Variants in ZNF827 observed in about 807,000 individuals in gnomAD.
The protein encoded by ZNF827 is zinc finger protein 827.
Under a neutral mutation model 102.4 loss-of-function variants are expected in ZNF827, and 13 were observed. The observed-to-expected ratio is 0.13, with a 90% CI of 0.08 to 0.20. The LOEUF (loss-of-function observed/expected upper bound fraction) is 0.20. Among genes scored for constraint, ZNF827 ranks in the 10% least tolerant of loss-of-function variants. ZNF827 has a pLI of 1.00. For missense variants in ZNF827, 1,103 were observed against 1,344.4 expected, an observed-to-expected ratio of 0.82 and a Z score of 2.81; for synonymous variants, 523 against 536.2, an observed-to-expected ratio of 0.98 and a Z score of 0.34.
At chr4:145,920,733 T>C (rs1753006508) in intron 1 of ZNF827, among the ~76,000 whole-genome samples, 1 of 152,258 alleles carries the variant, frequency 6.6e-6, no homozygotes, top group African/African-American at 2.4e-5. Flanking sequence ...GCAGTGTTTA[T>C]GAAACACCTA....
chr4:145,763,056 GCA>G lies in ZNF827; in HGVS notation c.*17+32_*17+33del. The stretch of plus-strand genomic sequence containing the variant: ...TATAAAGCCCATTCCCAGGTCAGGT[GCA>G]CACACAACCCCTACGCCAAGCTGGG... On this transcript the variant is annotated intron_variant, in intron 14 of 14. Transcript: ENST00000508784. This position sits in a 1 kb window ranked among gnomAD's most constrained non-coding sequence, Gnocchi z 4.6. 6.5e-7 allele frequency: 1 copy of G among 1,529,804 alleles called. No homozygotes were observed. The highest frequency in any genetic ancestry group is 8.8e-7 in the Non-Finnish European group (1 of 1,141,922). 94.8% of individuals were successfully genotyped at this position (1,529,804 alleles called of 1,614,324 possible). A position where few individuals can be genotyped will look rare whatever the true frequency, so the allele number is the denominator to read the frequency against.
chr4:145,851,762 C>T (rs1462074576), intron 5 of ZNF827, among the ~76,000 whole-genome samples: 3 of 152,046 alleles, frequency 2.0e-5, no homozygotes, highest in Non-Finnish European at 2.9e-5. Flanking sequence ...TCATAAAAAT[C>T]AAGTTCACTG....
chr4:145,884,148 T>C (rs144520654), intron 4 of ZNF827, among the ~76,000 whole-genome samples: 1 of 152,290 alleles, frequency 6.6e-6, no homozygotes, highest in East Asian at 1.9e-4. Context: ...CTCACTCTCA[T>C]TGCCAGTTGG....
At position 145,846,027 on chromosome 4, in the gene ZNF827, G is replaced by A; in HGVS notation, c.2222-14C>T. 1 of 1,614,052 alleles carries A rather than the reference G, an allele frequency of 6.2e-7. No homozygotes were observed. The highest frequency in any genetic ancestry group is 8.5e-7 in the Non-Finnish European group (1 of 1,179,898). ...TGCTCACTTTTTCTGTAAGGAGAAA[G>A]AATGAAACATACACCTCTTAGGTTG... is the stretch of plus-strand genomic sequence containing the variant. On this transcript the variant is annotated splice_polypyrimidine_tract_variant and intron_variant, in intron 6 of 14. Transcript: ENST00000508784.
At chr4:145,839,047 A>G (rs1475617719) in intron 7 of ZNF827, 2 of 152,222 alleles carry the variant, frequency 1.3e-5, no homozygotes, top group African/African-American at 4.8e-5. Flanking sequence ...AAGAGGTTGT[A>G]TGCAATATTG....
chr4:145,838,331 A>C (rs13109172), intron 7 of ZNF827, among the ~76,000 whole-genome samples: 44,121 of 151,184 alleles, frequency 0.29, 6,857 homozygotes, highest in Non-Finnish European at 0.34. Flanking sequence ...AGAGAACAAA[A>C]CCCCTTTGAC....
At chr4:145,797,798 T>G (rs142980625) in intron 8 of ZNF827, among the ~76,000 whole-genome samples, 76 of 152,372 alleles carry the variant, frequency 5.0e-4, no homozygotes, top group African/African-American at 1.6e-3. Context: ...AAATGATTTA[T>G]TCTGGAAATT....
intron 8 of ZNF827, among the ~76,000 whole-genome samples, chr4:145,798,059 G>A (rs2127091591): frequency 6.6e-6 from 1 of 152,252 alleles, no homozygotes; most frequent in Non-Finnish European, 1.5e-5. Context: ...AGGACCAAAG[G>A]GACTTTGAGA....
Position 145,766,432 on chromosome 4 carries a change from C to A in ZNF827, c.2861-694G>T, listed in dbSNP as rs987285197. Among the ~76,000 whole-genome samples the A allele has an allele frequency of 3.3e-5, 5 of 152,198 alleles. No homozygotes were observed. In the Middle Eastern group the frequency reaches 0.01, roughly 311 times the overall value. The stretch of plus-strand genomic sequence containing the variant: ...ATGTTAGGCAATGAAGAAAAGTGGC[C>A]CCTGAGAGACAGGAAACAAAAGAGG... On this transcript the variant is annotated intron_variant, in intron 11 of 14. Coordinates refer to ENST00000508784, the MANE Select transcript of ZNF827 (RefSeq NM_001306215.2).
Position 145,902,822 on chromosome 4 carries a change from G to C in ZNF827, c.437C>G (p.Ser146Cys), listed in dbSNP as rs749786443. The C allele has an allele frequency of 1.2e-6, 2 of 1,614,138 alleles. No individual in the cohort carries two copies. Among genetic ancestry groups the C allele is most frequent in the African/African-American group, 1.3e-5 (1 of 75,048 alleles). The change falls in exon 2 of 15, where the codon TCC becomes TGC. Residue 146 changes from serine (S) to cysteine (C), a missense_variant. Ser to Cys is a moderately radical substitution (Grantham distance 112, BLOSUM62 -1). Around this residue, in one of 5 missense-constraint regions of ZNF827, gnomAD observed 441 missense variants for 458.6 expected, o/e 0.96. Transcript: ENST00000508784. The surrounding 1 kb of genome is among the most constrained non-coding windows in gnomAD (Gnocchi z 4.3). The part of the protein sequence containing the change: ...AAATANGRVE[S>C]PVNVGSNLSF... ...GAGGTTCGAGCCAACGTTTACGGGG[G>C]ACTCCACTCTGCCATTAGCCGTGGC...
intron 5 of ZNF827, among the ~76,000 whole-genome samples, chr4:145,866,318 C>T (rs1241718190): frequency 6.6e-6 from 1 of 152,206 alleles, no homozygotes; most frequent in Non-Finnish European, 1.5e-5. Context: ...ATTAAATTCA[C>T]CTTAAAATGT....
At chr4:145,830,677 ATATT>A (rs1284728472) in intron 7 of ZNF827, 1 of 152,180 alleles carries the variant, frequency 6.6e-6, no homozygotes, top group Non-Finnish European at 1.5e-5. Context: ...GTTGTATAAC[ATATT>A]TATAAGTAAT....
At position 145,762,835 on chromosome 4, in the gene ZNF827, C is replaced by T. The variant is rs1461920781; in HGVS notation, c.*17+255G>A. Among the ~76,000 whole-genome samples, 2 of 152,220 alleles carry T rather than the reference C, an allele frequency of 1.3e-5. No individual in the cohort carries two copies. The highest frequency in any genetic ancestry group is 2.9e-5 in the Non-Finnish European group (2 of 68,034). ...GTTTGCTCTCTTTCCACAAAGAATG[C>T]AGATGCAAAAGTGGCTGCCTCAGCT... On this transcript the variant is annotated intron_variant, in intron 14 of 14. Transcript: ENST00000508784. This position sits in a 1 kb window ranked among gnomAD's most constrained non-coding sequence, Gnocchi z 4.9.
At chr4:145,895,480 A>G (rs1750908630) in intron 2 of ZNF827, among the ~76,000 whole-genome samples, 1 of 152,230 alleles carries the variant, frequency 6.6e-6, no homozygotes, top group African/African-American at 2.4e-5. Flanking sequence ...TAGGAAAAAA[A>G]TTAGAACACA....
rs375799518 is a variant in ZNF827, at chr4:145,806,214, C to G, written c.2383+17208G>C. Among the ~76,000 whole-genome samples, 10 of 139,160 alleles carry G rather than the reference C, an allele frequency of 7.2e-5. No individual in the cohort carries two copies. In the South Asian group the frequency reaches 9.1e-4, roughly 13 times the overall value. 91.3% of individuals were successfully genotyped at this position (139,160 alleles called of 152,430 possible). Reference sequence around the variant, plus strand: ...TTGCCCAGGCTGGAGTGCAATGGTGCTATCTGGGCTCACTGCAACCTCTGC... The same window carrying G: ...TTGCCCAGGCTGGAGTGCAATGGTGGTATCTGGGCTCACTGCAACCTCTGC... On this transcript the variant is annotated intron_variant, in intron 8 of 14. Transcript: ENST00000508784.
chr4:145,774,495 G>A lies in ZNF827; in HGVS notation c.2860+11C>T. The A allele has an allele frequency of 6.2e-7, 1 of 1,606,770 alleles. No homozygotes were observed. The highest frequency in any genetic ancestry group is 8.5e-7 in the Non-Finnish European group (1 of 1,176,186). On this transcript the variant is annotated intron_variant, in intron 11 of 14. Coordinates refer to ENST00000508784, the MANE Select transcript of ZNF827 (RefSeq NM_001306215.2). ...AGAAGGAGTGTGAGAAGGACAGACA[G>A]GAATGGTCACCTGTGTGCTTGGTGC...
chr4:145,827,462 C>G (rs1743804171), intron 7 of ZNF827, among the ~76,000 whole-genome samples: 1 of 152,166 alleles, frequency 6.6e-6, no homozygotes, highest in Non-Finnish European at 1.5e-5. Context: ...TTTCCTAAAA[C>G]TTGTACCACT....
intron 5 of ZNF827, among the ~76,000 whole-genome samples, chr4:145,850,889 T>C (rs904341629): frequency 2.0e-5 from 3 of 152,138 alleles, no homozygotes; most frequent in African/African-American, 7.2e-5. Flanking sequence ...TGTGACTTTA[T>C]TTGGGAAAAA....
At chr4:145,930,085 A>C (rs1753692556) in intron 1 of ZNF827, among the ~76,000 whole-genome samples, 1 of 152,238 alleles carries the variant, frequency 6.6e-6, no homozygotes, top group Non-Finnish European at 1.5e-5. Context: ...ACAAAGTTAA[A>C]GAGGGCACAG....
Sources: gnomAD v4.1 joint callset for allele counts (sites outside exome capture counted in the v4.1 genomes callset) on GRCh38, gnomAD v4.1.1 for gene constraint, gnomAD v4.1.1 regional missense constraint, Gnocchi (gnomAD v3.1) non-coding constraint, MANE v1.5 for transcripts, NCBI Gene and HGNC (gene_info 2026-07-23, HGNC 2026-07-21) for gene names.